GMDS: variants seen among roughly 807,000 people sequenced by gnomAD.
GMDS encodes GDP-mannose 4,6 dehydratase.
In GMDS, 20 loss-of-function variants were observed where a neutral mutation model predicts 49.9. That is an observed-to-expected ratio of 0.40 (90% CI 0.28 to 0.58). The LOEUF is 0.58. Ranked by LOEUF, GMDS falls within the 20% of genes least tolerant of loss-of-function variation. GMDS has a pLI of 0.42. For missense variants in GMDS, 362 were observed against 481.4 expected (o/e 0.75, Z 2.32); for synonymous variants, 177 against 178.6 (o/e 0.99, Z 0.07).
At chr6:2,040,721 T>G (rs1396501088) in intron 4 of GMDS, among the ~76,000 whole-genome samples, 2 of 152,216 alleles carry the variant, frequency 1.3e-5, no homozygotes, top group Admixed American at 6.5e-5. Context: ...GGAAGGTCAC[T>G]CTCACCTTCT....
intron 9 of GMDS, among the ~76,000 whole-genome samples, chr6:1,664,205 C>A (rs568906500): frequency 6.6e-6 from 1 of 152,316 alleles, no homozygotes; most frequent in South Asian, 2.1e-4. Context: ...TTTATCATTT[C>A]TCTGTAAGGC....
At chr6:1,838,029 T>C (rs1447781663) in intron 7 of GMDS, among the ~76,000 whole-genome samples, 2 of 152,176 alleles carry the variant, frequency 1.3e-5, no homozygotes, top group Middle Eastern at 3.2e-3. Flanking sequence ...TAGGTACCTG[T>C]CTGGAGGCAT....
At chr6:1,932,686 C>T (rs781078194) in intron 6 of GMDS, among the ~76,000 whole-genome samples, 5 of 151,868 alleles carry the variant, frequency 3.3e-5, no homozygotes, top group Non-Finnish European at 5.9e-5. Flanking sequence ...TACAGGTGCC[C>T]GTCACCACGC....
intron 6 of GMDS, among the ~76,000 whole-genome samples, chr6:1,945,721 G>A (rs903614162): frequency 6.6e-6 from 1 of 152,088 alleles, no homozygotes; most frequent in Non-Finnish European, 1.5e-5. Context: ...TTCAGCTTGG[G>A]AAACATCGTG....
chr6:2,117,129 TA>T (rs1450379814), intron 3 of GMDS, among the ~76,000 whole-genome samples: 2 of 152,190 alleles, frequency 1.3e-5, no homozygotes, highest in Non-Finnish European at 2.9e-5. Context: ...GGACTGAATA[TA>T]AAAAGCGGGT....
At chr6:2,194,039 T>TA (rs529615148) in intron 1 of GMDS, among the ~76,000 whole-genome samples, 4,714 of 136,230 alleles carry the variant, frequency 0.035, 261 homozygotes, top group African/African-American at 0.13. Flanking sequence ...TATTTTTTTT[T>TA]AAAAAAAAAG....
At chr6:2,097,856 A>G (rs1182663674) in intron 4 of GMDS, among the ~76,000 whole-genome samples, 2 of 152,210 alleles carry the variant, frequency 1.3e-5, no homozygotes, top group African/African-American at 4.8e-5. Context: ...AACATGTCAA[A>G]TAAATAAATG....
intron 7 of GMDS, among the ~76,000 whole-genome samples, chr6:1,864,275 T>C (rs988934219): frequency 1.3e-5 from 2 of 152,186 alleles, no homozygotes; most frequent in African/African-American, 4.8e-5. Flanking sequence ...TATTACATAT[T>C]TTTACATAAT....
At chr6:2,043,797 G>T (rs1159340481) in intron 4 of GMDS, among the ~76,000 whole-genome samples, 1 of 151,886 alleles carries the variant, frequency 6.6e-6, no homozygotes, top group East Asian at 1.9e-4. Flanking sequence ...GAAAGTTTTT[G>T]CAAACTATAC....
intron 7 of GMDS, among the ~76,000 whole-genome samples, chr6:1,924,311 C>T (rs575967526): frequency 5.3e-5 from 8 of 152,316 alleles, no homozygotes; most frequent in African/African-American, 9.6e-5. Flanking sequence ...TGAATTTCAA[C>T]GCTCACCCCT....
chr6:1,860,732 G>A (rs1369827913), intron 7 of GMDS, among the ~76,000 whole-genome samples: 4 of 152,136 alleles, frequency 2.6e-5, no homozygotes, highest in Admixed American at 6.5e-5. Context: ...AGAAGAGAAC[G>A]GCTGGTCCAC....
At chr6:2,008,107 T>C (rs899733488) in intron 4 of GMDS, among the ~76,000 whole-genome samples, 2 of 152,214 alleles carry the variant, frequency 1.3e-5, no homozygotes. Flanking sequence ...AATTGCAATT[T>C]ATAGTCTATT....
intron 4 of GMDS, among the ~76,000 whole-genome samples, chr6:2,050,498 A>G (rs1337828743): frequency 6.6e-6 from 1 of 152,242 alleles, no homozygotes; most frequent in Non-Finnish European, 1.5e-5. Context: ...AATGATTAGA[A>G]AAAGAGGGAA....
chr6:1,624,745 G>A (rs1762794617), intron 9 of GMDS: 1 of 549,832 alleles, frequency 1.8e-6, no homozygotes, highest in Non-Finnish European at 3.2e-6. Context: ...GTGCTGTGCG[G>A]ACCCGTGAGG....
At chr6:1,878,116 A>G (rs568516452) in intron 7 of GMDS, among the ~76,000 whole-genome samples, 1 of 152,214 alleles carries the variant, frequency 6.6e-6, no homozygotes, top group East Asian at 1.9e-4. Context: ...GATCGAGACC[A>G]TCCTGGCTAA....
chr6:1,710,264 T>A (rs1765897436), intron 9 of GMDS, among the ~76,000 whole-genome samples: 1 of 152,246 alleles, frequency 6.6e-6, no homozygotes, highest in Non-Finnish European at 1.5e-5. Context: ...AACATTTGTG[T>A]ATGTGTATAT....
At chr6:1,669,917 CAAAAAAAAAAAA>C (rs66490758) in intron 9 of GMDS, among the ~76,000 whole-genome samples, 2 of 45,222 alleles carry the variant, frequency 4.4e-5, no homozygotes, top group Non-Finnish European at 7.1e-5. Context: ...GACTCCATCT[CAAAAAAAAAAAA>C]AAAAAAAAAA....
chr6:2,218,625 C>G (rs552498051), intron 1 of GMDS, among the ~76,000 whole-genome samples: 45 of 152,236 alleles, frequency 3.0e-4, no homozygotes, highest in African/African-American at 1.0e-3. Context: ...GAGTACAGAA[C>G]ATTATCTTAA....
chr6:1,675,563 T>C (rs1428649008), intron 9 of GMDS, among the ~76,000 whole-genome samples: 1 of 152,146 alleles, frequency 6.6e-6, no homozygotes, highest in African/African-American at 2.4e-5. Flanking sequence ...TCAAGTATAA[T>C]GTTAGCTGGC....
Sources: allele counts gnomAD v4.1 joint callset (sites outside exome capture counted in the v4.1 genomes callset), GRCh38; gene constraint gnomAD v4.1.1; transcripts MANE v1.5; gene names NCBI Gene and HGNC (gene_info 2026-07-23, HGNC 2026-07-21).